Variants in ASL observed in about 807,000 individuals in gnomAD.
The protein encoded by ASL is argininosuccinase.
In ASL, 51 loss-of-function variants were observed where a neutral mutation model predicts 69.1. The observed-to-expected ratio is 0.74, with a 90% confidence interval of 0.59 to 0.93. The LOEUF is 0.93. Among genes scored for constraint, ASL ranks in the 40% least tolerant of loss-of-function variants. The probability of loss-of-function intolerance (pLI) is 0.00; values close to 1 mark genes in which losing one functional copy is unlikely to be tolerated. For missense variants in ASL, 540 were observed against 623.9 expected (o/e 0.87, Z 1.43); for synonymous variants, 241 against 247.6 (o/e 0.97, Z 0.25).
intron 9 of ASL, 78 bp from the exon 10 acceptor site, chr7:66,087,651 G>A (rs1786708943): frequency 1.3e-6 from 2 of 1,544,104 alleles, no homozygotes; most frequent in Non-Finnish European, 1.8e-6. Flanking sequence ...TCAGGGGAGG[G>A]GGCTGGGCAA....
At position 66,076,051 on chromosome 7, in the gene ASL, G is replaced by A. The variant is rs766867890; in HGVS notation, c.-31G>A. Reference sequence around the variant, plus strand: ...TCTTGTCTTCCAGACCCGGAGGACCGAAGCTTCCGGACGACGAGGAACCGC... The same window carrying A: ...TCTTGTCTTCCAGACCCGGAGGACCAAAGCTTCCGGACGACGAGGAACCGC... On this transcript the variant is annotated 5_prime_UTR_variant, in exon 2 of 17. Transcript: ENST00000304874. 1.5e-4 allele frequency: 235 copies of A among 1,594,866 alleles called. No individual in the cohort carries two copies. The highest frequency in any genetic ancestry group is 1.9e-4 in the Non-Finnish European group (226 of 1,171,334).
intron 14 of ASL, among the ~76,000 whole-genome samples, chr7:66,090,312 C>T (rs1209103827): frequency 6.6e-6 from 1 of 152,112 alleles, no homozygotes; most frequent in Non-Finnish European, 1.5e-5. Flanking sequence ...CACTCTCTGT[C>T]GCCCAGGCTG....
At chr7:66,089,050 C>G in intron 11 of ASL, 41 bp from the exon 12 acceptor site, 1 of 1,610,992 alleles carries the variant, frequency 6.2e-7, no homozygotes, top group Non-Finnish European at 8.5e-7. Flanking sequence ...CTGGACCAGC[C>G]AAGGGTCCAG....
Position 66,075,873 on chromosome 7 carries a change from CG to C in ASL, c.-44+19del. On this transcript the variant is annotated intron_variant, in intron 1 of 16. Transcript: ENST00000304874. ...CAGGCGGAGGTGAGTGCGCGGCGGC[CG>C]GATGGGCGGGACGGGCGTGGAGGAC... 1.7e-6 allele frequency: 1 copy of C among 591,074 alleles called. No individual in the cohort carries two copies. The highest frequency in any genetic ancestry group is 2.0e-5 in the African/African-American group (1 of 50,556). 36.6% of individuals were successfully genotyped at this position (591,074 alleles called of 1,614,324 possible).
At chr7:66,082,768 G>T (rs1431032798) in intron 4 of ASL, 112 bp from the exon 5 acceptor site, 1 of 1,311,044 alleles carries the variant, frequency 7.6e-7, no homozygotes. Flanking sequence ...GGGAGGACCC[G>T]GAGCCCTGGG....
Position 66,081,790 on chromosome 7 carries a change from C to T in ASL, c.13-13C>T, listed in dbSNP as rs549560616. 6.2e-7 allele frequency: 1 copy of T among 1,611,056 alleles called. No individual in the cohort carries two copies. The highest frequency in any genetic ancestry group is 1.1e-5 in the South Asian group (1 of 90,908). ...GTGGAGGAGAGACTAATTGTTCTTG[C>T]TCTCCTGGCCAGAGTGGGAAGCTTT... On this transcript the variant is annotated splice_polypyrimidine_tract_variant and intron_variant, in intron 2 of 16. Coordinates refer to ENST00000304874, the MANE Select transcript of ASL (RefSeq NM_000048.4).
At position 66,081,899 on chromosome 7, in the gene ASL, G is replaced by C. The variant is rs146658202; in HGVS notation, c.109G>C (p.Val37Leu). The C allele has an allele frequency of 6.2e-7, 1 of 1,613,890 alleles. No homozygotes were observed. Among genetic ancestry groups the C allele is most frequent in the African/African-American group, 1.3e-5 (1 of 74,916 alleles). ...TGCCTACGACCGGCACCTTTGGGAG[G>C]TGGATGTTCAAGGCAGCAAAGCCTA... ...SIAYDRHLWE[V>L]DVQGSKAYSR... is the part of the protein sequence containing the mutation. The change falls in exon 3 of 17, where the codon GTG becomes CTG. Residue 37 changes from valine to leucine, a missense_variant. Val to Leu is a conservative substitution (Grantham distance 32). Transcript: ENST00000304874.
At chr7:66,089,515 G>A in intron 13 of ASL, 97 bp from the exon 14 acceptor site, 2 of 1,436,282 alleles carry the variant, frequency 1.4e-6, no homozygotes, top group Non-Finnish European at 1.9e-6. Flanking sequence ...TCTTCCCATG[G>A]AAGGCAGTGG....
intron 2 of ASL, among the ~76,000 whole-genome samples, chr7:66,079,620 C>CATTT (rs1786444502): frequency 1.3e-5 from 2 of 151,974 alleles, no homozygotes; most frequent in Admixed American, 1.3e-4. Flanking sequence ...TTATTTTGTT[C>CATTT]ATTTATTTAT....
intron 10 of ASL, 58 bp downstream of exon 10, chr7:66,087,849 C>G: frequency 6.2e-7 from 1 of 1,601,772 alleles, no homozygotes; most frequent in Non-Finnish European, 8.6e-7. Context: ...TTCAGCCCAG[C>G]TTCTCTCCAG....
Position 66,075,858 on chromosome 7 carries a change from T to G in ASL, c.-44+2T>G, listed in dbSNP as rs2115652926. The G allele has an allele frequency of 1.5e-5, 8 of 550,424 alleles. No homozygotes were observed. The highest frequency in any genetic ancestry group is 2.2e-5 in the South Asian group (1 of 44,652). 34.1% of individuals were successfully genotyped at this position (550,424 alleles called of 1,614,324 possible). ...CACTATCCGTGCGGCCAGGCGGAGG[T>G]GAGTGCGCGGCGGCCGGATGGGCGG... is the stretch of plus-strand genomic sequence containing the variant. On this transcript the variant is annotated splice_donor_variant, in intron 1 of 16. Coordinates refer to ENST00000304874, the MANE Select transcript of ASL (RefSeq NM_000048.4). LOFTEE classifies it low-confidence loss of function (5UTR_SPLICE).
intron 13 of ASL, 96 bp downstream of exon 13, chr7:66,089,431 C>T: frequency 6.7e-7 from 1 of 1,499,520 alleles, no homozygotes; most frequent in Non-Finnish European, 9.1e-7. Context: ...ATACATCCTC[C>T]CATCCTGTGC....
At position 66,077,692 on chromosome 7, in the gene ASL, G is replaced by A. The variant is rs530728904; in HGVS notation, c.12+1599G>A. 2.0e-3 allele frequency among the ~76,000 whole-genome samples: 311 copies of A among 152,192 alleles called. 3 individuals are homozygous for A. Among genetic ancestry groups the A allele is most frequent in the African/African-American group, 7.3e-3 (305 of 41,536 alleles). On this transcript the variant is annotated intron_variant, in intron 2 of 16. Transcript: ENST00000304874. ...TGCAGTGAGCTGAGATCGCACCACT[G>A]CACTCCAGCCTGGGCGACAAAGCAA...
Position 66,092,851 on chromosome 7 carries a change from G to C in ASL, c.1334G>C (p.Arg445Pro), listed in dbSNP as rs372272449. Reference protein sequence around the residue: ...EQYGALGGTARSSVDWQIRQV... With the variant: ...EQYGALGGTAPSSVDWQIRQV... The stretch of plus-strand genomic sequence containing the variant: ...TATGGTGCCCTGGGCGGCACTGCGC[G>C]CTCCAGCGTCGACTGGCAGATCCGC... The change falls in exon 17 of 17, where the codon CGC (arginine) becomes CCC (proline). Residue 445 changes from arginine (R) to proline (P), a missense_variant. Physicochemically the swap from Arg to Pro is moderately radical, Grantham distance 103. Transcript: ENST00000304874. 6.2e-7 allele frequency: 1 copy of C among 1,613,026 alleles called. No homozygotes were observed. The highest frequency in any genetic ancestry group is 8.5e-7 in the Non-Finnish European group (1 of 1,179,992).
chr7:66,079,095 T>G (rs1209399822), intron 2 of ASL, among the ~76,000 whole-genome samples: 1 of 151,958 alleles, frequency 6.6e-6, no homozygotes, highest in Non-Finnish European at 1.5e-5. Flanking sequence ...TTGTGTGTGT[T>G]TTCAGTAGAG....
intron 2 of ASL, among the ~76,000 whole-genome samples, chr7:66,077,027 G>C (rs1017633837): frequency 2.0e-5 from 3 of 152,136 alleles, no homozygotes. Context: ...CCAGTCACTT[G>C]AGCCCTTTAA....
intron 9 of ASL, 49 bp downstream of exon 9, chr7:66,087,435 G>A (rs773016193): frequency 2.6e-5 from 41 of 1,591,164 alleles, no homozygotes; most frequent in Non-Finnish European, 3.0e-5. Context: ...CTCAGCACCC[G>A]CCAAGACCTG....
rs764807922 is a variant in ASL at position 66,092,816 on chromosome 7, T to C, written c.1299T>C (p.Ser433=). 3.7e-6 allele frequency: 6 copies of C among 1,613,732 alleles called. No individual in the cohort carries two copies. Among genetic ancestry groups the C allele is most frequent in the Non-Finnish European group, 4.2e-6 (5 of 1,179,976 alleles). The change falls in exon 17 of 17, where the codon AGT becomes AGC. Residue 433 remains serine, a synonymous_variant. Transcript: ENST00000304874. ...DVICVWDYGH[S]VEQYGALGGT... ...TCTGCGTGTGGGACTACGGGCACAG[T>C]GTGGAGCAGTATGGTGCCCTGGGCG... is the stretch of plus-strand genomic sequence containing the variant.
At chr7:66,091,441 T>C (rs1434886148) in intron 14 of ASL, among the ~76,000 whole-genome samples, 1 of 152,156 alleles carries the variant, frequency 6.6e-6, no homozygotes, top group Non-Finnish European at 1.5e-5. Flanking sequence ...GTACCTGTGG[T>C]CCCAGCCACT....
Sources: gnomAD v4.1 joint callset for allele counts (sites outside exome capture counted in the v4.1 genomes callset) on GRCh38, gnomAD v4.1.1 for gene constraint, MANE v1.5 for transcripts, NCBI Gene and HGNC (gene_info 2026-07-23, HGNC 2026-07-21) for gene names.